PCDHA7: variants seen among roughly 807,000 people sequenced by gnomAD.
The protein encoded by PCDHA7 is protocadherin alpha-7.
Under a neutral mutation model 57.2 loss-of-function variants are expected in PCDHA7, and 37 were observed. That is an observed-to-expected ratio of 0.65 (90% CI 0.50 to 0.85). The LOEUF is 0.85. Among genes scored for constraint, PCDHA7 ranks in the 40% least tolerant of loss-of-function variants. The pLI, the probability that PCDHA7 is intolerant of heterozygous loss-of-function variation, is 0.00. For missense variants in PCDHA7, 1,188 were observed against 1,241.8 expected, an observed-to-expected ratio of 0.96 and a Z score of 0.65; for synonymous variants, 553 against 558.8, an observed-to-expected ratio of 0.99 and a Z score of 0.15.
At chr5:140,929,972 G>A (rs2086500191) in intron 1 of PCDHA7, 1 of 152,084 alleles carries the variant, frequency 6.6e-6, no homozygotes, top group South Asian at 2.1e-4. Flanking sequence ...TTTTGGTGAA[G>A]GTGTCTTCTT....
At chr5:140,966,631 G>A in intron 1 of PCDHA7, 1 of 995,532 alleles carries the variant, frequency 1.0e-6, no homozygotes, top group Non-Finnish European at 1.4e-6. Flanking sequence ...AGCGGCCCCA[G>A]GCGCTTTCTA....
chr5:140,949,053 C>T (rs2094339991), intron 1 of PCDHA7, among the ~76,000 whole-genome samples: 1 of 151,694 alleles, frequency 6.6e-6, no homozygotes, highest in Admixed American at 6.6e-5. Flanking sequence ...TTCTAATTTC[C>T]ATTATGATTT....
intron 1 of PCDHA7, among the ~76,000 whole-genome samples, chr5:140,960,614 G>A (rs1167351854): frequency 3.3e-5 from 5 of 152,130 alleles, no homozygotes; most frequent in African/African-American, 1.2e-4. Context: ...AATATCTAGT[G>A]TGTTTTTGAA....
intron 1 of PCDHA7, among the ~76,000 whole-genome samples, chr5:140,974,144 A>G (rs868918794): frequency 5.9e-5 from 9 of 152,268 alleles, no homozygotes; most frequent in African/African-American, 1.7e-4. Context: ...CCTGAAAACT[A>G]TACAAGGGTT....
intron 1 of PCDHA7, chr5:140,969,289 G>C: frequency 6.2e-7 from 1 of 1,614,208 alleles, no homozygotes; most frequent in Non-Finnish European, 8.5e-7. Context: ...AGAATGCTGG[G>C]AACCTGATTA....
chr5:140,941,202 C>CTTTCTGTCTTTCTTT (rs1554213921), intron 1 of PCDHA7, among the ~76,000 whole-genome samples: 1 of 122,742 alleles, frequency 8.1e-6, no homozygotes, highest in African/African-American at 3.0e-5. Context: ...TTTCTTTCTT[C>CTTTCTGTCTTTCTTT]CTTTCTTTCT....
intron 1 of PCDHA7, among the ~76,000 whole-genome samples, chr5:140,892,029 T>C (rs954107632): frequency 2.0e-4 from 30 of 152,336 alleles, no homozygotes; most frequent in Middle Eastern, 6.8e-3. Context: ...TGGTCTAAGA[T>C]ACTTTTATTT....
chr5:140,836,388 CTGG>C lies in PCDHA7; in HGVS notation c.2009_2011del (p.Val670del), dbSNP rs2150259594. 6.8e-6 allele frequency: 11 copies of C among 1,613,628 alleles called. No homozygotes were observed. Among genetic ancestry groups the C allele is most frequent in the Non-Finnish European group, 9.3e-6 (11 of 1,179,850 alleles). On this transcript the variant is annotated inframe_deletion, in exon 1 of 4. Coordinates refer to ENST00000525929, the MANE Select transcript of PCDHA7 (RefSeq NM_018910.3). Reference sequence around the variant, plus strand: ...AGCCACAGCCACCGTGCTGGTGTCGCTGGTGGAAAGCGGCCAGGCACCAAAGGC... The same window carrying C: ...AGCCACAGCCACCGTGCTGGTGTCGCTGGAAAGCGGCCAGGCACCAAAGGC...
intron 1 of PCDHA7, among the ~76,000 whole-genome samples, chr5:140,901,988 T>C (rs892830479): frequency 6.6e-6 from 1 of 152,164 alleles, no homozygotes; most frequent in Admixed American, 6.6e-5. Context: ...TTTAATTTCA[T>C]TTTCAGATTG....
chr5:140,902,140 G>A (rs1156661388), intron 1 of PCDHA7, among the ~76,000 whole-genome samples: 2 of 151,048 alleles, frequency 1.3e-5, no homozygotes, highest in African/African-American at 4.9e-5. Context: ...CTGCAAACAA[G>A]GATAATTTGA....
At chr5:140,969,968 G>A (rs935403265) in intron 1 of PCDHA7, among the ~76,000 whole-genome samples, 2 of 152,200 alleles carry the variant, frequency 1.3e-5, no homozygotes, top group Non-Finnish European at 2.9e-5. Flanking sequence ...GCTGTATGAT[G>A]TGGCAACTCT....
intron 1 of PCDHA7, among the ~76,000 whole-genome samples, chr5:140,903,417 T>C (rs1583492047): frequency 6.6e-6 from 1 of 152,200 alleles, no homozygotes; most frequent in Non-Finnish European, 1.5e-5. Flanking sequence ...CAGGAAAAAT[T>C]CAGCACAATA....
intron 1 of PCDHA7, among the ~76,000 whole-genome samples, chr5:140,956,898 T>G (rs1554222699): frequency 6.6e-6 from 1 of 152,218 alleles, no homozygotes; most frequent in Admixed American, 6.6e-5. Flanking sequence ...ATGAATATTC[T>G]TAAATGTATA....
intron 1 of PCDHA7, chr5:140,928,913 G>T (rs782438428): frequency 2.5e-6 from 4 of 1,614,132 alleles, no homozygotes; most frequent in Non-Finnish European, 2.5e-6. Flanking sequence ...TGGGAACCAG[G>T]AGGGCAGCTT....
chr5:140,848,002 AG>A, intron 1 of PCDHA7: 1 of 156,592 alleles, frequency 6.4e-6, no homozygotes, highest in Admixed American at 6.0e-5. Flanking sequence ...CCAGAACAAA[AG>A]AATTTTGTAA....
rs576802253 is a variant in PCDHA7 at position 140,888,837 on chromosome 5, C to T, written c.2355+52099C>T. ...GATCTGTGATCACATCACTCCACTG[C>T]AGCCTGGTGACAGAGTGAGACCATG... is the stretch of plus-strand genomic sequence containing the variant. On this transcript the variant is annotated intron_variant, in intron 1 of 3. Coordinates refer to ENST00000525929, the MANE Select transcript of PCDHA7 (RefSeq NM_018910.3). Among the ~76,000 whole-genome samples, 5 of 152,130 alleles carry T rather than the reference C, an allele frequency of 3.3e-5. No individual in the cohort carries two copies. In the South Asian group the frequency reaches 1.0e-3, roughly 32 times the overall value.
chr5:140,842,426 A>G (rs150855027), intron 1 of PCDHA7: 1 of 1,613,494 alleles, frequency 6.2e-7, no homozygotes, highest in African/African-American at 1.3e-5. Context: ...TGGTACTGTC[A>G]TCGCCCTAAT....
intron 1 of PCDHA7, chr5:140,852,649 T>C (rs1206238129): frequency 3.1e-6 from 3 of 960,206 alleles, no homozygotes; most frequent in African/African-American, 3.6e-5. Context: ...TAAACCTATC[T>C]ATATCTGTCT....
intron 1 of PCDHA7, chr5:140,857,477 T>A (rs1562523780): frequency 1.3e-6 from 2 of 1,598,544 alleles, no homozygotes; most frequent in Admixed American, 1.7e-5. Context: ...CTTCACGGTG[T>A]CTGCGTGGGA....
Sources: gnomAD v4.1 joint callset for allele counts (sites outside exome capture counted in the v4.1 genomes callset) on GRCh38, gnomAD v4.1.1 for gene constraint, MANE v1.5 for transcripts, NCBI Gene and HGNC (gene_info 2026-07-23, HGNC 2026-07-21) for gene names.